Variants in FNDC3A observed in about 807,000 individuals in gnomAD.
The protein encoded by FNDC3A is fibronectin type III domain containing 3A, also known as fibronectin type-III domain-containing protein 3A.
A neutral mutation model predicts 148.9 loss-of-function variants in FNDC3A; 32 were observed. That is an observed-to-expected ratio of 0.21 (90% CI 0.16 to 0.29). FNDC3A has a LOEUF of 0.29. FNDC3A is among the 10% of genes least tolerant of loss of function. The pLI is 1.00. For synonymous variants in FNDC3A, 472 were observed against 473.6 expected, an observed-to-expected ratio of 1.00 and a Z score of 0.04; for missense variants, 1,191 against 1,452.8, an observed-to-expected ratio of 0.82 and a Z score of 2.93.
chr13:49,176,335 T>A (rs1433304973), intron 13 of FNDC3A, among the ~76,000 whole-genome samples: 3 of 152,142 alleles, frequency 2.0e-5, no homozygotes, highest in Non-Finnish European at 2.9e-5. Context: ...TTTTTTTGGT[T>A]GGTAGGCTAT....
Position 49,173,614 on chromosome 13 carries a change from A to G in FNDC3A, c.1231-821A>G, listed in dbSNP as rs1027008873. Reference sequence around the variant, plus strand: ...GACTTGAAACCAAAGCAAAAAGTACAGTCATGGTGTCTGGCTCGGGGCAAA... The same window carrying G: ...GACTTGAAACCAAAGCAAAAAGTACGGTCATGGTGTCTGGCTCGGGGCAAA... On this transcript the variant is annotated intron_variant, in intron 11 of 25. Coordinates refer to ENST00000492622, the MANE Select transcript of FNDC3A (RefSeq NM_001079673.2). Among the ~76,000 whole-genome samples, 6 of 152,328 alleles carry G rather than the reference A, an allele frequency of 3.9e-5. No individual in the cohort carries two copies. In the East Asian group the frequency reaches 9.6e-4, roughly 24 times the overall value.
At chr13:49,021,457 T>C (rs1345828454) in intron 2 of FNDC3A, among the ~76,000 whole-genome samples, 2 of 152,214 alleles carry the variant, frequency 1.3e-5, no homozygotes, top group African/African-American at 4.8e-5. Flanking sequence ...AATATGACAG[T>C]TCTTTTGGAG....
intron 2 of FNDC3A, among the ~76,000 whole-genome samples, chr13:49,052,916 T>C (rs1424995629): frequency 6.6e-6 from 1 of 151,958 alleles, no homozygotes; most frequent in East Asian, 1.9e-4. Flanking sequence ...GAGATGAGGG[T>C]GTGGTTCCCA....
intron 2 of FNDC3A, among the ~76,000 whole-genome samples, chr13:49,029,156 G>T (rs1457556882): frequency 6.6e-6 from 1 of 151,958 alleles, no homozygotes; most frequent in Admixed American, 6.5e-5. Context: ...TTTTTTAGTA[G>T]AGACAGGGTC....
At chr13:49,195,889 C>T (rs368823250) in intron 19 of FNDC3A, among the ~76,000 whole-genome samples, 7 of 151,972 alleles carry the variant, frequency 4.6e-5, no homozygotes, top group African/African-American at 1.7e-4. Context: ...GCCTGGGCAA[C>T]ATGGTGAAAC....
chr13:49,167,342 A>G lies in FNDC3A; in HGVS notation c.1037+39A>G, dbSNP rs750148527. 2.6e-6 allele frequency: 3 copies of G among 1,134,904 alleles called. No homozygotes were observed. In the South Asian group the frequency reaches 4.8e-5, roughly 18 times the overall value. The allele number at this position is 1,134,904 out of a possible 1,614,324, so 70.3% of individuals were successfully genotyped here. A position where few individuals can be genotyped will look rare whatever the true frequency, so the allele number is the denominator to read the frequency against. ...ACAGATTGCCTTTATAAGATACAGC[A>G]TAAGGGGTTTTTTTTTTAAATAATT... On this transcript the variant is annotated intron_variant, in intron 9 of 25. Coordinates refer to ENST00000492622, the MANE Select transcript of FNDC3A (RefSeq NM_001079673.2).
At chr13:49,005,894 A>G (rs1593460230) in intron 1 of FNDC3A, among the ~76,000 whole-genome samples, 3 of 151,956 alleles carry the variant, frequency 2.0e-5, no homozygotes, top group African/African-American at 7.2e-5. Context: ...TAGAATTTAA[A>G]TAGAGCCTGC....
intron 4 of FNDC3A, among the ~76,000 whole-genome samples, chr13:49,120,740 A>G (rs1001593125): frequency 1.2e-4 from 19 of 152,176 alleles, no homozygotes; most frequent in African/African-American, 4.3e-4. Flanking sequence ...AGATCAAAAA[A>G]GACAAGAAGG....
intron 3 of FNDC3A, among the ~76,000 whole-genome samples, chr13:49,100,319 C>G (rs1879785357): frequency 6.6e-6 from 1 of 152,014 alleles, no homozygotes; most frequent in Non-Finnish European, 1.5e-5. Context: ...CCCTTTTTCA[C>G]TTTCAGAAGT....
chr13:49,175,299 G>C, intron 12 of FNDC3A, 68 bp from the exon 13 acceptor site: 1 of 1,140,742 alleles, frequency 8.8e-7, no homozygotes, highest in Non-Finnish European at 1.2e-6. Flanking sequence ...AATTACATCT[G>C]TCACAAACTT....
rs560678207 is a variant in FNDC3A, at chr13:49,099,052, T to C, written c.176-15603T>C. Among the ~76,000 whole-genome samples, 3 of 152,260 alleles carry C rather than the reference T, an allele frequency of 2.0e-5. No homozygotes were observed. In the East Asian group the frequency reaches 5.8e-4, roughly 29 times the overall value. On this transcript the variant is annotated intron_variant, in intron 3 of 25. Transcript: ENST00000492622. ...CATAGCCTTAATAAATAAGCATTCC[T>C]TATTAGTAAGGGGACCTTATATCCC...
chr13:49,013,454 A>G (rs1299094978), intron 2 of FNDC3A, among the ~76,000 whole-genome samples: 2 of 152,004 alleles, frequency 1.3e-5, no homozygotes, highest in African/African-American at 4.8e-5. Context: ...GTATACATGT[A>G]CATGTGTATA....
intron 23 of FNDC3A, among the ~76,000 whole-genome samples, chr13:49,199,282 G>A (rs1593746512): frequency 6.6e-6 from 1 of 151,608 alleles, no homozygotes; most frequent in East Asian, 1.9e-4. Context: ...CAGCCTCACT[G>A]AGTGCTGAGA....
intron 2 of FNDC3A, chr13:49,044,843 G>A: frequency 5.5e-6 from 2 of 364,618 alleles, no homozygotes; most frequent in Admixed American, 3.8e-5. Flanking sequence ...AAACTACTGG[G>A]GTTTGTGCAA....
At chr13:49,041,712 A>G (rs577389072) in intron 2 of FNDC3A, among the ~76,000 whole-genome samples, 1 of 151,842 alleles carries the variant, frequency 6.6e-6, no homozygotes, top group South Asian at 2.1e-4. Context: ...TCGGGAGGGT[A>G]AGGCAGGAGA....
chr13:49,003,967 G>T (rs938449174), intron 1 of FNDC3A, among the ~76,000 whole-genome samples: 2 of 152,146 alleles, frequency 1.3e-5, no homozygotes, highest in African/African-American at 4.8e-5. Context: ...AAAGTTGGTT[G>T]TTAAAATTCA....
Position 49,178,651 on chromosome 13 carries a change from T to C in FNDC3A, c.1614T>C (p.Phe538=), listed in dbSNP as rs1373686698. 6.6e-7 allele frequency: 1 copy of C among 1,523,558 alleles called. No individual in the cohort carries two copies. Among genetic ancestry groups the C allele is most frequent in the Non-Finnish European group, 8.9e-7 (1 of 1,123,672 alleles). The allele number at this position is 1,523,558 out of a possible 1,614,324, so 94.4% of individuals were successfully genotyped here. Residue 538 remains phenylalanine (F), a synonymous_variant, in exon 14 of 26, where the codon TTT becomes TTC. Transcript: ENST00000492622. ...TCAGACGTAGTACTAAGTATAAATT[T>C]AAGGTAAGCTTTGAAAACCCTTAAA... The part of the protein sequence containing the change: ...KNLRRSTKYK[F]KVIAYNSEGK...
intron 3 of FNDC3A, among the ~76,000 whole-genome samples, chr13:49,090,396 A>C (rs571035332): frequency 6.6e-6 from 1 of 152,336 alleles, no homozygotes; most frequent in African/African-American, 2.4e-5. Context: ...CCTGGGTGAC[A>C]GAGCGAGACT....
chr13:49,158,438 T>A (rs1202516016), intron 8 of FNDC3A, among the ~76,000 whole-genome samples: 2 of 152,226 alleles, frequency 1.3e-5, no homozygotes, highest in African/African-American at 4.8e-5. Context: ...CCTAGTGAGA[T>A]GAACCCGGTA....
Sources: gnomAD v4.1 joint callset for allele counts (sites outside exome capture counted in the v4.1 genomes callset) on GRCh38, gnomAD v4.1.1 for gene constraint, MANE v1.5 for transcripts, NCBI Gene and HGNC (gene_info 2026-07-23, HGNC 2026-07-21) for gene names.